Variants in PPP1R13B observed in about 807,000 individuals in gnomAD.
The protein encoded by PPP1R13B is protein phosphatase 1 regulatory subunit 13B, also known as apoptosis-stimulating of p53 protein 1.
A neutral mutation model predicts 119.8 loss-of-function variants in PPP1R13B; 44 were observed. That is an observed-to-expected ratio of 0.37 (90% CI 0.29 to 0.47). The LOEUF (loss-of-function observed/expected upper bound fraction) is 0.47, where lower values mean the gene tolerates loss of function less well. PPP1R13B is among the 20% of genes least tolerant of loss of function. The pLI is 0.99. For synonymous variants in PPP1R13B, 542 were observed against 561.5 expected (o/e 0.97, Z 0.49); for missense variants, 1,227 against 1,413.5 (o/e 0.87, Z 2.12).
chr14:103,787,833 G>A (rs1384227814), intron 2 of PPP1R13B, among the ~76,000 whole-genome samples: 1 of 151,900 alleles, frequency 6.6e-6, no homozygotes, highest in African/African-American at 2.4e-5. Context: ...TTTATTTTTA[G>A]TAGAGATGGG....
At chr14:103,774,834 G>GT (rs2085150314) in intron 4 of PPP1R13B, among the ~76,000 whole-genome samples, 1 of 152,148 alleles carries the variant, frequency 6.6e-6, no homozygotes, top group African/African-American at 2.4e-5. Flanking sequence ...GTTTTAGAAG[G>GT]TAACGTATTA....
At chr14:103,797,892 G>T (rs1595787753) in intron 1 of PPP1R13B, among the ~76,000 whole-genome samples, 1 of 151,858 alleles carries the variant, frequency 6.6e-6, no homozygotes, top group Non-Finnish European at 1.5e-5. Flanking sequence ...GAGGGAAAAC[G>T]ACTATACAAT....
At chr14:103,741,752 C>T (rs758537724) in intron 11 of PPP1R13B, 38 bp downstream of exon 11, 27 of 1,566,974 alleles carry the variant, frequency 1.7e-5, no homozygotes, top group Middle Eastern at 1.7e-4. Context: ...AGTATAATTT[C>T]CTAGCCCCAA....
intron 1 of PPP1R13B, among the ~76,000 whole-genome samples, chr14:103,815,573 T>C (rs1482635630): frequency 1.3e-5 from 2 of 151,286 alleles, no homozygotes; most frequent in East Asian, 2.0e-4. Context: ...CCAGCCAACA[T>C]GGTGAAACGC....
At chr14:103,802,868 T>C (rs2085933427) in intron 1 of PPP1R13B, among the ~76,000 whole-genome samples, 3 of 152,226 alleles carry the variant, frequency 2.0e-5, no homozygotes, top group Admixed American at 2.0e-4. Flanking sequence ...ATTATTTCAA[T>C]TTCTTGTGTT....
intron 4 of PPP1R13B, 103 bp from the exon 5 acceptor site, chr14:103,757,854 T>A: frequency 2.3e-6 from 2 of 870,676 alleles, no homozygotes; most frequent in East Asian, 2.5e-5. Context: ...GGATCCCTAG[T>A]AGTGAGGAGA....
At chr14:103,754,946 A>AT (rs1024842763) in intron 5 of PPP1R13B, among the ~76,000 whole-genome samples, 1 of 151,704 alleles carries the variant, frequency 6.6e-6, no homozygotes, top group Non-Finnish European at 1.5e-5. Context: ...TGCCCAGCTA[A>AT]TTTTTTTGTA....
intron 1 of PPP1R13B, among the ~76,000 whole-genome samples, chr14:103,830,161 T>A (rs1434292393): frequency 6.6e-6 from 1 of 152,044 alleles, no homozygotes; most frequent in Non-Finnish European, 1.5e-5. Context: ...TGTGGTGCAA[T>A]CTCAGCTCAC....
At chr14:103,761,584 A>G (rs1179176366) in intron 4 of PPP1R13B, among the ~76,000 whole-genome samples, 1 of 152,104 alleles carries the variant, frequency 6.6e-6, no homozygotes, top group Non-Finnish European at 1.5e-5. Flanking sequence ...CAACATGGTG[A>G]AACACTGTCT....
At chr14:103,735,788 G>A (rs564280256) in intron 16 of PPP1R13B, among the ~76,000 whole-genome samples, 18 of 152,282 alleles carry the variant, frequency 1.2e-4, no homozygotes, top group Admixed American at 3.3e-4. Flanking sequence ...GCCTCCGCAC[G>A]GGCCTCCATG....
At chr14:103,799,922 G>A (rs1462944597) in intron 1 of PPP1R13B, among the ~76,000 whole-genome samples, 6 of 151,854 alleles carry the variant, frequency 4.0e-5, no homozygotes, top group African/African-American at 7.3e-5. Context: ...GCGGTGGCAC[G>A]CACCTGCAGT....
chr14:103,737,582 TA>T (rs925460691), intron 15 of PPP1R13B, 111 bp downstream of exon 15: 25 of 1,335,990 alleles, frequency 1.9e-5, no homozygotes, highest in East Asian at 2.5e-5. Flanking sequence ...TCTCCTGTCT[TA>T]AAAAAAACAA....
At chr14:103,833,208 T>G (rs765631490) in intron 1 of PPP1R13B, among the ~76,000 whole-genome samples, 1 of 152,202 alleles carries the variant, frequency 6.6e-6, no homozygotes, top group Non-Finnish European at 1.5e-5. Flanking sequence ...CAAATTCTTA[T>G]GTAGGTAATA....
intron 4 of PPP1R13B, chr14:103,762,987 A>C: frequency 7.2e-7 from 1 of 1,396,790 alleles, no homozygotes; most frequent in Non-Finnish European, 1.0e-6. Context: ...ATAGTGAAGA[A>C]AGACAAACGG....
upstream of PPP1R13B, among the ~76,000 whole-genome samples, chr14:103,847,973 G>A (rs543672484): frequency 2.6e-5 from 4 of 151,614 alleles, no homozygotes; most frequent in African/African-American, 9.7e-5. Context: ...TCCCTGCGGC[G>A]ACGGCGCGCG....
At position 103,738,669 on chromosome 14, in the gene PPP1R13B, C is replaced by T. The variant is rs202060438; in HGVS notation, c.2864+10G>A. 3.3e-4 allele frequency: 535 copies of T among 1,614,022 alleles called. No homozygotes were observed. The highest frequency in any genetic ancestry group is 4.3e-4 in the Non-Finnish European group (512 of 1,179,968). The stretch of plus-strand genomic sequence containing the variant: ...TAAATCTGTCCACCCCACACTCCTA[C>T]GGGCCTCACCATCCATCACTATCAG... On this transcript the variant is annotated intron_variant, in intron 14 of 16. Coordinates refer to ENST00000202556, the MANE Select transcript of PPP1R13B (RefSeq NM_015316.3). This position sits in a 1 kb window ranked among gnomAD's most constrained non-coding sequence, Gnocchi z 5.6.
At chr14:103,774,532 T>G (rs1160214753) in intron 4 of PPP1R13B, among the ~76,000 whole-genome samples, 1 of 152,208 alleles carries the variant, frequency 6.6e-6, no homozygotes, top group Non-Finnish European at 1.5e-5. Context: ...AGTATTAACC[T>G]GACTTGCTGG....
intron 1 of PPP1R13B, among the ~76,000 whole-genome samples, chr14:103,810,688 C>T (rs1050179310): frequency 1.7e-4 from 26 of 151,866 alleles, no homozygotes; most frequent in Non-Finnish European, 2.9e-4. Context: ...AGGAGTATGG[C>T]GTGACCCGGG....
intron 1 of PPP1R13B, among the ~76,000 whole-genome samples, chr14:103,826,700 C>T (rs1248855660): frequency 1.4e-4 from 21 of 149,050 alleles, no homozygotes; most frequent in African/African-American, 4.0e-4. Context: ...CAGCTAGACC[C>T]TGTCTCTACC....
Sources: gnomAD v4.1 joint callset for allele counts (sites outside exome capture counted in the v4.1 genomes callset) on GRCh38, gnomAD v4.1.1 for gene constraint, Gnocchi (gnomAD v3.1) non-coding constraint, MANE v1.5 for transcripts, NCBI Gene and HGNC (gene_info 2026-07-23, HGNC 2026-07-21) for gene names.